Variants in RIT2 observed in about 807,000 individuals in gnomAD.
RIT2 encodes the protein GTP-binding protein Rit2.
Under a neutral mutation model 23.7 loss-of-function variants are expected in RIT2, and 24 were observed. That is an observed-to-expected ratio of 1.01 (90% CI 0.73 to 1.43). The LOEUF is 1.43. Ranked by LOEUF, RIT2 falls within the 40% of genes most tolerant of loss-of-function variation. The pLI, the probability that RIT2 is intolerant of heterozygous loss-of-function variation, is 0.00. For missense variants in RIT2, 236 were observed against 266.9 expected (o/e 0.88, Z 0.81); for synonymous variants, 107 against 91.1 (o/e 1.17, Z -0.99).
intron 3 of RIT2, among the ~76,000 whole-genome samples, chr18:42,955,596 C>A (rs1909953324): frequency 6.6e-6 from 1 of 152,186 alleles, no homozygotes; most frequent in African/African-American, 2.4e-5. Flanking sequence ...AGGCTAAGAT[C>A]TTATTCTCTG....
At chr18:42,881,826 A>G (rs1033718789) in intron 4 of RIT2, among the ~76,000 whole-genome samples, 1 of 152,148 alleles carries the variant, frequency 6.6e-6, no homozygotes, top group African/African-American at 2.4e-5. Flanking sequence ...CCAGAATTAT[A>G]TCTTATTCAT....
intron 3 of RIT2, among the ~76,000 whole-genome samples, chr18:42,972,113 C>T (rs527324303): frequency 1.4e-4 from 21 of 152,032 alleles, no homozygotes; most frequent in African/African-American, 4.6e-4. Context: ...TTAGTTGCTA[C>T]AAACCCCCTA....
chr18:42,947,366 G>T (rs1387582416), intron 3 of RIT2, among the ~76,000 whole-genome samples: 2 of 152,068 alleles, frequency 1.3e-5, no homozygotes, highest in African/African-American at 4.8e-5. Flanking sequence ...ATTGTTTGTG[G>T]ATGTTGTGAT....
intron 2 of RIT2, among the ~76,000 whole-genome samples, chr18:43,006,945 GAAGA>G (rs1196256450): frequency 6.6e-6 from 1 of 150,930 alleles, no homozygotes; most frequent in Admixed American, 6.6e-5. Flanking sequence ...AAACCAAAAA[GAAGA>G]AATAATAAAT....
At chr18:42,861,976 C>T (rs1907339861) in intron 4 of RIT2, among the ~76,000 whole-genome samples, 2 of 152,190 alleles carry the variant, frequency 1.3e-5, no homozygotes, top group Admixed American at 1.3e-4. Flanking sequence ...ATCCTACCTT[C>T]TATCCTGGAT....
At chr18:42,892,520 G>A (rs7226466) in intron 4 of RIT2, among the ~76,000 whole-genome samples, 27,380 of 152,030 alleles carry the variant, frequency 0.18, 2,650 homozygotes, top group African/African-American at 0.25. Context: ...TGTTTTGCCC[G>A]TATTAAATCT....
At chr18:42,810,442 ATTAAT>A (rs1905819612) in intron 4 of RIT2, among the ~76,000 whole-genome samples, 1 of 151,854 alleles carries the variant, frequency 6.6e-6, no homozygotes, top group Non-Finnish European at 1.5e-5. Flanking sequence ...AAAGTAACCT[ATTAAT>A]TTTTTTTTTT....
At chr18:42,897,359 G>A (rs1450124386) in intron 4 of RIT2, among the ~76,000 whole-genome samples, 1 of 152,128 alleles carries the variant, frequency 6.6e-6, no homozygotes, top group African/African-American at 2.4e-5. Flanking sequence ...GGGGAAGTGG[G>A]TTTGACTTGG....
intron 4 of RIT2, among the ~76,000 whole-genome samples, chr18:42,823,880 C>T (rs974897403): frequency 2.0e-5 from 3 of 152,092 alleles, no homozygotes; most frequent in African/African-American, 7.2e-5. Flanking sequence ...TCATCTTATC[C>T]TTTTCCTGTT....
At chr18:42,972,843 A>G (rs1910393382) in intron 3 of RIT2, among the ~76,000 whole-genome samples, 1 of 151,862 alleles carries the variant, frequency 6.6e-6, no homozygotes, top group Non-Finnish European at 1.5e-5. Flanking sequence ...TGACTGAAGT[A>G]TTCTGTTTAA....
At chr18:43,063,897 C>T (rs1912710798) in intron 1 of RIT2, among the ~76,000 whole-genome samples, 1 of 152,120 alleles carries the variant, frequency 6.6e-6, no homozygotes, top group South Asian at 2.1e-4. Context: ...AGTAAGACCT[C>T]ATCCAGATGA....
chr18:42,861,466 C>T (rs932931752), intron 4 of RIT2, among the ~76,000 whole-genome samples: 1 of 152,202 alleles, frequency 6.6e-6, no homozygotes, highest in Non-Finnish European at 1.5e-5. Context: ...CTTTTAGTCT[C>T]ATTGGGTACT....
At chr18:43,020,587 A>G (rs1341028326) in intron 2 of RIT2, among the ~76,000 whole-genome samples, 1 of 152,134 alleles carries the variant, frequency 6.6e-6, no homozygotes, top group Non-Finnish European at 1.5e-5. Context: ...GAGGCATCAC[A>G]TTACCTGACT....
chr18:42,902,811 T>C (rs1404822539), intron 4 of RIT2, among the ~76,000 whole-genome samples: 2 of 151,396 alleles, frequency 1.3e-5, no homozygotes, highest in African/African-American at 4.8e-5. Flanking sequence ...AAGAAAAAAA[T>C]CATAAATAGG....
intron 3 of RIT2, among the ~76,000 whole-genome samples, chr18:42,969,521 C>T (rs1319959022): frequency 1.3e-5 from 2 of 152,002 alleles, no homozygotes; most frequent in Non-Finnish European, 2.9e-5. Flanking sequence ...AGATTGGCTA[C>T]AGGACTTGCT....
At chr18:42,863,630 T>C (rs1308176226) in intron 4 of RIT2, among the ~76,000 whole-genome samples, 2 of 152,206 alleles carry the variant, frequency 1.3e-5, no homozygotes, top group African/African-American at 4.8e-5. Flanking sequence ...CATGCTTTCT[T>C]GGAAATTCCA....
chr18:43,001,584 A>G (rs996520040), intron 2 of RIT2, among the ~76,000 whole-genome samples: 2 of 152,006 alleles, frequency 1.3e-5, no homozygotes, highest in African/African-American at 2.4e-5. Context: ...GTATGGAGGA[A>G]TTATGGAAAC....
intron 4 of RIT2, among the ~76,000 whole-genome samples, chr18:42,791,093 T>G (rs1271723964): frequency 6.6e-6 from 1 of 152,220 alleles, no homozygotes; most frequent in Non-Finnish European, 1.5e-5. Context: ...AAACTTAAAA[T>G]CGATATTAAA....
At chr18:42,896,289 T>A (rs1199869607) in intron 4 of RIT2, among the ~76,000 whole-genome samples, 1 of 152,154 alleles carries the variant, frequency 6.6e-6, no homozygotes, top group Non-Finnish European at 1.5e-5. Context: ...AAGTTTGTTT[T>A]CCTCTCTCTC....
Sources: gnomAD v4.1 joint callset for allele counts (sites outside exome capture counted in the v4.1 genomes callset) on GRCh38, gnomAD v4.1.1 for gene constraint, MANE v1.5 for transcripts, NCBI Gene and HGNC (gene_info 2026-07-23, HGNC 2026-07-21) for gene names.